Variants in POU6F1 observed in about 807,000 individuals in gnomAD.
The protein encoded by POU6F1 is POU class 6 homeobox 1.
A neutral mutation model predicts 28.9 loss-of-function variants in POU6F1; 9 were observed. That is an observed-to-expected ratio of 0.31 (90% CI 0.19 to 0.54). The LOEUF is 0.54. Among genes scored for constraint, POU6F1 ranks in the 20% least tolerant of loss-of-function variants. The pLI is 0.94. For synonymous variants in POU6F1, 173 were observed against 171.1 expected, an observed-to-expected ratio of 1.01 and a Z score of -0.09; for missense variants, 338 against 426.1, an observed-to-expected ratio of 0.79 and a Z score of 1.82.
chr12:51,190,189 C>T lies in POU6F1; in HGVS notation c.*58G>A, dbSNP rs966979393. 116 of 1,571,332 alleles carry T rather than the reference C, an allele frequency of 7.4e-5. No individual in the cohort carries two copies. The highest frequency in any genetic ancestry group is 9.7e-5 in the Non-Finnish European group (112 of 1,159,610). On this transcript the variant is annotated 3_prime_UTR_variant, in exon 11 of 11. Coordinates refer to ENST00000333640, the MANE Select transcript of POU6F1 (RefSeq NM_001330422.2). The surrounding 1 kb of genome is among the most constrained non-coding windows in gnomAD (Gnocchi z 4.5). ...ACAGGTGCTGTCATGGCAGTGGCTG[C>T]AGCCGGATGCCACGGGAAATGGACA...
In POU6F1 at chr12:51,190,023, G is replaced by T; in HGVS notation, c.*224C>A. 1 of 746,402 alleles carries T rather than the reference G, an allele frequency of 1.3e-6. No homozygotes were observed. The highest frequency in any genetic ancestry group is 2.1e-6 in the Non-Finnish European group (1 of 480,600). 46.2% of individuals were successfully genotyped at this position (746,402 alleles called of 1,614,324 possible). ...CAAATCCTCTTCTTCGGAGTGACCA[G>T]CCCAGAGCCTGGAGCTCTCGTGTGG... On this transcript the variant is annotated 3_prime_UTR_variant, in exon 11 of 11. Transcript: ENST00000333640. The surrounding 1 kb of genome is among the most constrained non-coding windows in gnomAD (Gnocchi z 4.5).
In POU6F1 at chr12:51,218,014, T is replaced by A. The variant is rs539126564; in HGVS notation, c.-420A>T. Among the ~76,000 whole-genome samples the A allele has an allele frequency of 1.3e-4, 19 of 150,564 alleles. No homozygotes were observed. The highest frequency in any genetic ancestry group is 2.8e-4 in the Non-Finnish European group (19 of 67,400). Reference sequence around the variant, plus strand: ...TCCCTCCCCCCCTTTTTTCCCTCCTTCTGCTACTTGGATTTTTTTAGCTGC... The same window carrying A: ...TCCCTCCCCCCCTTTTTTCCCTCCTACTGCTACTTGGATTTTTTTAGCTGC... On this transcript the variant is annotated 5_prime_UTR_variant, in exon 1 of 11. Transcript: ENST00000333640.
intron 1 of POU6F1, among the ~76,000 whole-genome samples, chr12:51,214,930 T>C (rs542055312): frequency 6.6e-6 from 1 of 151,078 alleles, no homozygotes; most frequent in Non-Finnish European, 1.5e-5. Flanking sequence ...CTGCACCCCA[T>C]CCTGGGTGAC....
intron 7 of POU6F1, 29 bp from the exon 8 acceptor site, chr12:51,196,202 G>A (rs749809857): frequency 6.8e-7 from 1 of 1,461,942 alleles, no homozygotes; most frequent in Non-Finnish European, 9.1e-7. Flanking sequence ...GGGACCCCAG[G>A]TGTGAGGGTA....
rs1182715509 is a variant in POU6F1, at chr12:51,191,520, C to G, written c.1490+76G>C. ...GGGGCATATGGAAAAGGGGCCGGTG[C>G]TCAGGTTCCCATGAGTGCCCGGTGG... On this transcript the variant is annotated intron_variant, in intron 10 of 10. Transcript: ENST00000333640. 7 of 1,525,690 alleles carry G rather than the reference C, an allele frequency of 4.6e-6. No individual in the cohort carries two copies. In the East Asian group the frequency reaches 1.6e-4, roughly 35 times the overall value. The allele number at this position is 1,525,690 out of a possible 1,614,324, so 94.5% of individuals were successfully genotyped here.
intron 3 of POU6F1, chr12:51,202,592 A>C (rs1943303522): frequency 6.6e-6 from 1 of 152,178 alleles, no homozygotes; most frequent in African/African-American, 2.4e-5. Flanking sequence ...AGGCCTCCCA[A>C]AGTGCTGGGA....
rs532785207 is a variant in POU6F1 at position 51,199,019 on chromosome 12, C to T, written c.367-244G>A. ...CTAAATCCAGGGCAAGGCGGCCCTG[C>T]TCACAGGATGGGAAGGGGGCACAGG... On this transcript the variant is annotated intron_variant, in intron 4 of 10. Coordinates refer to ENST00000333640, the MANE Select transcript of POU6F1 (RefSeq NM_001330422.2). The surrounding 1 kb of genome is among the most constrained non-coding windows in gnomAD (Gnocchi z 4.1). 5.8e-4 allele frequency among the ~76,000 whole-genome samples: 88 copies of T among 152,336 alleles called. 1 individual carries two copies. Among genetic ancestry groups the T allele is most frequent in the Admixed American group, 1.6e-3 (25 of 15,302 alleles).
At chr12:51,212,737 T>C (rs1446141356) in intron 1 of POU6F1, among the ~76,000 whole-genome samples, 1 of 130,882 alleles carries the variant, frequency 7.6e-6, no homozygotes, top group Non-Finnish European at 1.5e-5. Context: ...GATCGCACCA[T>C]TGCACTCCAG....
chr12:51,195,320 A>G (rs1460482989), intron 8 of POU6F1, among the ~76,000 whole-genome samples: 1 of 152,084 alleles, frequency 6.6e-6, no homozygotes, highest in Non-Finnish European at 1.5e-5. Flanking sequence ...TGATAGTCCA[A>G]TGTCCCTTAT....
At position 51,196,914 on chromosome 12, in the gene POU6F1, G is replaced by A; in HGVS notation, c.860C>T (p.Ser287Phe). ...AFSPGIISAA[S>F]LGGQTQILGS... ...CAGGATCTGGGTCTGTCCCCCGAGG[G>A]AAGCAGCACTGATCTGTGGGTGGAG... is the stretch of plus-strand genomic sequence containing the variant. Residue 287 changes from serine to phenylalanine, a missense_variant, in exon 7 of 11, where the codon TCC becomes TTC. By Grantham distance (155) the Ser-to-Phe change is radical. Around this residue, in one of 3 missense-constraint regions of POU6F1, gnomAD observed 206 missense variants for 225.6 expected, o/e 0.91. Coordinates refer to ENST00000333640, the MANE Select transcript of POU6F1 (RefSeq NM_001330422.2). 1 of 1,585,804 alleles carries A rather than the reference G, an allele frequency of 6.3e-7. No homozygotes were observed. Among genetic ancestry groups the A allele is most frequent in the South Asian group, 1.1e-5 (1 of 90,166 alleles).
chr12:51,212,171 G>A (rs988188435), intron 1 of POU6F1, among the ~76,000 whole-genome samples: 1 of 151,874 alleles, frequency 6.6e-6, no homozygotes, highest in Middle Eastern at 3.4e-3. Flanking sequence ...TCGGCTCACC[G>A]CAACCTCCGC....
chr12:51,191,553 C>A, intron 10 of POU6F1, 43 bp downstream of exon 10: 1 of 1,586,878 alleles, frequency 6.3e-7, no homozygotes. Context: ...TGGCACCAGG[C>A]AGCTGAGCAG....
At chr12:51,213,183 C>A (rs1397166132) in intron 1 of POU6F1, among the ~76,000 whole-genome samples, 2 of 152,146 alleles carry the variant, frequency 1.3e-5, no homozygotes, top group Admixed American at 6.5e-5. Context: ...ATGATTCACC[C>A]GCCTTGGCCT....
intron 1 of POU6F1, among the ~76,000 whole-genome samples, chr12:51,212,070 TTTTG>T (rs1371852158): frequency 2.8e-5 from 3 of 109,046 alleles, no homozygotes; most frequent in East Asian, 8.3e-4. Flanking sequence ...TCGTTTTTTT[TTTTG>T]TTTTTTTTGT....
chr12:51,195,937 T>TGGGGGG, intron 8 of POU6F1, 33 bp downstream of exon 8: 3 of 945,494 alleles, frequency 3.2e-6, no homozygotes, highest in Non-Finnish European at 4.8e-6. Context: ...TAGCAGAGCC[T>TGGGGGG]GCCCCACCCC....
chr12:51,206,730 G>A lies in POU6F1; in HGVS notation c.48+59C>T, dbSNP rs1592186410. On this transcript the variant is annotated intron_variant, in intron 2 of 10. Coordinates refer to ENST00000333640, the MANE Select transcript of POU6F1 (RefSeq NM_001330422.2). ...GAAGGGCCCTGTGGAGTCCTCCTCT[G>A]TTGCCCACACCCCTCACTCCATCAC... The A allele has an allele frequency of 2.0e-5, 8 of 398,542 alleles. No individual in the cohort carries two copies. In the East Asian group the frequency reaches 2.9e-4, roughly 14 times the overall value. 24.7% of individuals were successfully genotyped at this position (398,542 alleles called of 1,614,324 possible).
intron 1 of POU6F1, among the ~76,000 whole-genome samples, chr12:51,211,573 T>A (rs1208619563): frequency 6.6e-6 from 1 of 152,000 alleles, no homozygotes; most frequent in Non-Finnish European, 1.5e-5. Flanking sequence ...GGAGACTCTG[T>A]CTCTACAAAA....
At position 51,191,581 on chromosome 12, in the gene POU6F1, G is replaced by A. The variant is rs760197996; in HGVS notation, c.1490+15C>T. 2 of 1,611,256 alleles carry A rather than the reference G, an allele frequency of 1.2e-6. No homozygotes were observed. Among genetic ancestry groups the A allele is most frequent in the South Asian group, 1.1e-5 (1 of 90,962 alleles). ...CTGAGCAGGCCCTAATCCTGTCTAG[G>A]GCAGCCTTACTCACCGGCAGATGGC... On this transcript the variant is annotated intron_variant, in intron 10 of 10. Transcript: ENST00000333640.
intron 7 of POU6F1, 40 bp downstream of exon 7, chr12:51,196,759 C>T: frequency 6.2e-7 from 1 of 1,611,824 alleles, no homozygotes; most frequent in African/African-American, 1.3e-5. Context: ...GCCAGCCTCT[C>T]CACAGTCCCC....
Sources: allele counts gnomAD v4.1 joint callset (sites outside exome capture counted in the v4.1 genomes callset), GRCh38; gene constraint gnomAD v4.1.1; regional missense constraint gnomAD v4.1.1; non-coding constraint Gnocchi (gnomAD v3.1); transcripts MANE v1.5; gene names NCBI Gene and HGNC (gene_info 2026-07-23, HGNC 2026-07-21).